MID1: variants seen among roughly 807,000 people sequenced by gnomAD.
MID1 encodes E3 ubiquitin-protein ligase Midline-1.
MID1 carries 7 observed loss-of-function variants against 40.4 expected under a neutral mutation model. The observed-to-expected ratio is 0.17, with a 90% CI of 0.10 to 0.33. The LOEUF is 0.33. Ranked by LOEUF, MID1 falls within the 10% of genes least tolerant of loss-of-function variation. The pLI is 1.00. For missense variants in MID1, 367 were observed against 558.5 expected (o/e 0.66, Z 3.46); for synonymous variants, 229 against 221.2 (o/e 1.04, Z -0.31).
At chrX:10,463,813 A>G (rs2147271976) in intron 7 of MID1, among the ~76,000 whole-genome samples, 1 of 112,838 alleles carries the variant, frequency 8.9e-6, no homozygotes, top group Non-Finnish European at 1.9e-5. Context: ...AGAGCTAGTG[A>G]GGTCCAAAGT....
chrX:10,478,736 G>T (rs1602277926), intron 5 of MID1, among the ~76,000 whole-genome samples: 1 of 112,242 alleles, frequency 8.9e-6, no homozygotes, highest in African/African-American at 3.2e-5. Context: ...TGAAATGAAA[G>T]AAAAATTTAC....
intron 2 of MID1, among the ~76,000 whole-genome samples, chrX:10,533,372 GAAAGAAAA>G (rs1475336729): frequency 1.0e-4 from 5 of 49,647 alleles, no homozygotes; most frequent in African/African-American, 2.5e-4. Flanking sequence ...AAGAAAGAAA[GAAAGAAAA>G]AGAAAGAAAG....
chrX:10,661,831 C>T (rs990852371), intron 1 of MID1, among the ~76,000 whole-genome samples: 1 of 111,514 alleles, frequency 9.0e-6, no homozygotes, highest in African/African-American at 3.3e-5. Flanking sequence ...CAAAGAAAAT[C>T]TCTTTACCCC....
At chrX:10,782,848 C>T (rs180803715) in intron 1 of MID1, among the ~76,000 whole-genome samples, 623 of 111,264 alleles carry the variant, frequency 5.6e-3, no homozygotes, top group Non-Finnish European at 8.6e-3. Flanking sequence ...GTGGCCCTGC[C>T]CGGCAGCATC....
intron 3 of MID1, among the ~76,000 whole-genome samples, chrX:10,498,828 G>C (rs1931396971): frequency 8.9e-6 from 1 of 112,289 alleles, no homozygotes; most frequent in African/African-American, 3.2e-5. Flanking sequence ...TTCATTGTAT[G>C]AACAGGCCAC....
intron 1 of MID1, among the ~76,000 whole-genome samples, chrX:10,779,168 G>A (rs948203557): frequency 1.8e-5 from 2 of 112,516 alleles, no homozygotes; most frequent in Non-Finnish European, 3.8e-5. Flanking sequence ...ATGAGAAAGA[G>A]CAGTCCAAGA....
chrX:10,498,634 C>T (rs927801213), intron 3 of MID1, among the ~76,000 whole-genome samples: 23 of 111,818 alleles, frequency 2.1e-4, no homozygotes, highest in Non-Finnish European at 3.9e-4. Context: ...AGCTCCAGCC[C>T]GAGGCAACCA....
intron 1 of MID1, among the ~76,000 whole-genome samples, chrX:10,595,983 A>C (rs1398356955): frequency 8.9e-6 from 1 of 112,088 alleles, no homozygotes; most frequent in Non-Finnish European, 1.9e-5. Context: ...TTTAAAAAAA[A>C]TTTCTTTCCT....
Position 10,784,782 on chromosome X carries a change from T to C in MID1, c.-187+48772A>G, listed in dbSNP as rs898363499. ...TTTTCAAAATTTTTAGATTGTCTGATAGTGCCATTGTGAAAAACACAAGTG... is the reference window on the plus strand; with the variant it reads ...TTTTCAAAATTTTTAGATTGTCTGACAGTGCCATTGTGAAAAACACAAGTG... On this transcript the variant is annotated intron_variant, in intron 1 of 10. Coordinates refer to the MID1 transcript ENST00000380785. Among the ~76,000 whole-genome samples, 62 of 110,815 alleles carry C rather than the reference T, an allele frequency of 5.6e-4. 1 individual carries two copies. The highest frequency in any genetic ancestry group is 9.4e-5 in the Non-Finnish European group (5 of 52,990).
chrX:10,759,145 A>C (rs2043657536), intron 1 of MID1, among the ~76,000 whole-genome samples: 1 of 112,362 alleles, frequency 8.9e-6, no homozygotes, highest in African/African-American at 3.2e-5. Context: ...AGCTGAACTC[A>C]TGCAATCTTG....
chrX:10,798,210 G>A (rs112568617), intron 1 of MID1, among the ~76,000 whole-genome samples: 7,011 of 111,929 alleles, frequency 0.063, 556 homozygotes, highest in African/African-American at 0.22. Flanking sequence ...GTCCCTGCAG[G>A]ATTCCTCTCT....
chrX:10,735,314 C>A (rs1650587878), intron 1 of MID1, among the ~76,000 whole-genome samples: 1 of 111,776 alleles, frequency 8.9e-6, no homozygotes, highest in Non-Finnish European at 1.9e-5. Context: ...GTTGGCCAGG[C>A]CGGTCTCAAA....
chrX:10,581,118 G>A (rs756551995), intron 1 of MID1, among the ~76,000 whole-genome samples: 4 of 109,969 alleles, frequency 3.6e-5, no homozygotes, highest in African/African-American at 6.6e-5. Context: ...TCATGGTGGC[G>A]GGTGCCTGTA....
intron 1 of MID1, among the ~76,000 whole-genome samples, chrX:10,728,163 G>C (rs944395663): frequency 1.8e-5 from 2 of 111,109 alleles, no homozygotes; most frequent in African/African-American, 6.6e-5. Context: ...TTTAGAGGTG[G>C]ATGGATCTTT....
chrX:10,823,289 A>C (rs1020286865), intron 1 of MID1, among the ~76,000 whole-genome samples: 2 of 110,988 alleles, frequency 1.8e-5, no homozygotes, highest in South Asian at 3.9e-4. Context: ...ACATGGACAC[A>C]TTATGGGGGA....
At chrX:10,758,472 T>C (rs113761156) in intron 1 of MID1, among the ~76,000 whole-genome samples, 5,037 of 103,555 alleles carry the variant, frequency 0.049, 416 homozygotes, top group African/African-American at 0.18. Context: ...ACTTTTTCTT[T>C]CTTTTCTTTC....
chrX:10,452,167 A>T (rs921506713), intron 9 of MID1, among the ~76,000 whole-genome samples: 8 of 111,762 alleles, frequency 7.2e-5, no homozygotes, highest in Non-Finnish European at 1.5e-4. Context: ...ATGGCTGACT[A>T]CATGTAGCAA....
At chrX:10,760,801 T>G (rs953462201) in intron 1 of MID1, among the ~76,000 whole-genome samples, 3 of 111,486 alleles carry the variant, frequency 2.7e-5, no homozygotes, top group African/African-American at 9.8e-5. Context: ...CACTCTAGCC[T>G]GAACGACACA....
At chrX:10,640,722 GCACCA>G (rs1283277027) in intron 1 of MID1, among the ~76,000 whole-genome samples, 1 of 110,859 alleles carries the variant, frequency 9.0e-6, no homozygotes, top group African/African-American at 3.3e-5. Flanking sequence ...ATTCTTCTCA[GCACCA>G]CACCACACTT....
Sources: gnomAD v4.1 joint callset for allele counts (sites outside exome capture counted in the v4.1 genomes callset) on GRCh38, gnomAD v4.1.1 for gene constraint, MANE v1.5 for transcripts, NCBI Gene and HGNC (gene_info 2026-07-23, HGNC 2026-07-21) for gene names.